Variants in HSD17B12 observed in about 807,000 individuals in gnomAD.
HSD17B12 encodes the protein hydroxysteroid 17-beta dehydrogenase 12.
HSD17B12 carries 32 observed loss-of-function variants against 39.3 expected under a neutral mutation model. That is an observed-to-expected ratio of 0.81 (90% CI 0.61 to 1.09). The LOEUF (loss-of-function observed/expected upper bound fraction) is 1.09. Ranked by LOEUF, HSD17B12 falls within the 50% of genes least tolerant of loss-of-function variation. HSD17B12 has a pLI of 0.00. For missense variants in HSD17B12, 342 were observed against 382.9 expected (o/e 0.89, Z 0.89); for synonymous variants, 150 against 146.7 (o/e 1.02, Z -0.16).
upstream of HSD17B12, among the ~76,000 whole-genome samples, chr11:43,678,416 G>A (rs2134728248): frequency 6.6e-6 from 1 of 152,244 alleles, no homozygotes; most frequent in African/African-American, 2.4e-5. Flanking sequence ...TTCTTTTGCT[G>A]TGCAGAAGCT....
Position 43,680,899 on chromosome 11 carries a change from G to T in HSD17B12, c.72G>T (p.Leu24=). 6.2e-7 allele frequency: 1 copy of T among 1,614,034 alleles called. No homozygotes were observed. Among genetic ancestry groups the T allele is most frequent in the Non-Finnish European group, 8.5e-7 (1 of 1,179,982 alleles). ...VGAGTVAYLA[L]RISYSLFTAL... ...CGGGCACCGTGGCCTACCTAGCCCT[G>T]CGTATTTCGTACTCGCTCTTCACGG... The change falls in exon 1 of 11, where the codon CTG becomes CTT. Residue 24 remains leucine (L), a synonymous_variant. Coordinates refer to ENST00000278353, the MANE Select transcript of HSD17B12 (RefSeq NM_016142.3).
At chr11:43,734,302 A>G in intron 1 of HSD17B12, 1 of 1,165,336 alleles carries the variant, frequency 8.6e-7, no homozygotes. Flanking sequence ...AAGCCGTGGA[A>G]GCCAAAAAGG....
intron 1 of HSD17B12, among the ~76,000 whole-genome samples, chr11:43,709,468 T>C (rs1200823060): frequency 2.0e-5 from 3 of 152,234 alleles, no homozygotes; most frequent in Admixed American, 1.3e-4. Context: ...CTTGATGAAT[T>C]TGTTGATGAA....
intron 1 of HSD17B12, among the ~76,000 whole-genome samples, chr11:43,713,444 C>G (rs1048755167): frequency 4.6e-5 from 7 of 152,062 alleles, no homozygotes; most frequent in Admixed American, 3.3e-4. Context: ...CATGTCCCTA[C>G]AAAGGACATG....
intron 4 of HSD17B12, among the ~76,000 whole-genome samples, chr11:43,808,736 T>G (rs1157098997): frequency 6.6e-6 from 1 of 152,236 alleles, no homozygotes. Flanking sequence ...TCTTAATTTT[T>G]CAATTTCTGA....
the HSD17B12 span, among the ~76,000 whole-genome samples, chr11:43,643,954 A>T: frequency 2.6e-5 from 4 of 152,214 alleles, no homozygotes; most frequent in African/African-American, 9.7e-5. Flanking sequence ...AGTGCTCTAG[A>T]GATTAACAAA....
intron 3 of HSD17B12, among the ~76,000 whole-genome samples, chr11:43,793,819 T>C (rs1291908406): frequency 6.6e-6 from 1 of 152,208 alleles, no homozygotes; most frequent in African/African-American, 2.4e-5. Flanking sequence ...TTGCAGGTGA[T>C]GGAATGGCTT....
intron 6 of HSD17B12, 69 bp downstream of exon 6, chr11:43,816,460 A>C (rs1951123911): frequency 7.4e-7 from 1 of 1,354,292 alleles, no homozygotes; most frequent in African/African-American, 1.5e-5. Flanking sequence ...TGACATAATC[A>C]GCTTGTTCAC....
chr11:43,766,781 T>G (rs1430045271), intron 3 of HSD17B12, among the ~76,000 whole-genome samples: 1 of 152,218 alleles, frequency 6.6e-6, no homozygotes, highest in Non-Finnish European at 1.5e-5. Flanking sequence ...ATTTTGAAAT[T>G]TAGCTTATGG....
the HSD17B12 span, among the ~76,000 whole-genome samples, chr11:43,593,511 C>T: frequency 1.3e-5 from 2 of 152,120 alleles, no homozygotes; most frequent in Admixed American, 1.3e-4. Context: ...CATCTCCAGC[C>T]TTAAGTATAG....
chr11:43,736,641 A>T (rs1174643066), intron 1 of HSD17B12, among the ~76,000 whole-genome samples: 4 of 152,210 alleles, frequency 2.6e-5, no homozygotes, highest in Non-Finnish European at 5.9e-5. Context: ...TTTCTGTAAA[A>T]TTATTTTTAT....
At chr11:43,670,891 A>G in the HSD17B12 span, among the ~76,000 whole-genome samples, 1 of 152,130 alleles carries the variant, frequency 6.6e-6, no homozygotes, top group African/African-American at 2.4e-5. Flanking sequence ...TCTTTATACA[A>G]ATTTTTAAAA....
the HSD17B12 span, among the ~76,000 whole-genome samples, chr11:43,628,868 C>T: frequency 6.6e-6 from 1 of 151,686 alleles, no homozygotes; most frequent in African/African-American, 2.4e-5. Flanking sequence ...TTTAAACAAG[C>T]ATTGTTGATT....
At chr11:43,763,086 G>A (rs12273608) in intron 3 of HSD17B12, among the ~76,000 whole-genome samples, 33,515 of 152,022 alleles carry the variant, frequency 0.22, 3,920 homozygotes, top group Middle Eastern at 0.37. Flanking sequence ...GCTGCATAGC[G>A]GTTAATCAAG....
chr11:43,584,147 G>C, the HSD17B12 span, among the ~76,000 whole-genome samples: 1 of 152,176 alleles, frequency 6.6e-6, no homozygotes, highest in Non-Finnish European at 1.5e-5. Context: ...CACTCCTAGA[G>C]TCTGGAGCCA....
At chr11:43,565,153 G>T in the HSD17B12 span, among the ~76,000 whole-genome samples, 1 of 152,152 alleles carries the variant, frequency 6.6e-6, no homozygotes, top group Non-Finnish European at 1.5e-5. Flanking sequence ...ACCTGCGTTG[G>T]CCTCCCAAAG....
chr11:43,777,170 G>A (rs942603679), intron 3 of HSD17B12, among the ~76,000 whole-genome samples: 10 of 151,900 alleles, frequency 6.6e-5, no homozygotes, highest in African/African-American at 1.9e-4. Context: ...GATGGGGATG[G>A]CATTGAATCT....
At chr11:43,771,266 C>T (rs1950646288) in intron 3 of HSD17B12, among the ~76,000 whole-genome samples, 1 of 152,070 alleles carries the variant, frequency 6.6e-6, no homozygotes, top group Non-Finnish European at 1.5e-5. Context: ...CTATAATTCA[C>T]TCCTTTTAAT....
chr11:43,615,595 C>A, the HSD17B12 span, among the ~76,000 whole-genome samples: 2 of 152,144 alleles, frequency 1.3e-5, no homozygotes, highest in South Asian at 2.1e-4. Context: ...AAGGTGCTTC[C>A]AGGCAGAAAT....
Sources: gnomAD v4.1 joint callset for allele counts (sites outside exome capture counted in the v4.1 genomes callset) on GRCh38, gnomAD v4.1.1 for gene constraint, MANE v1.5 for transcripts, NCBI Gene and HGNC (gene_info 2026-07-23, HGNC 2026-07-21) for gene names.